Variants in RWDD2B observed in about 807,000 individuals in gnomAD.
RWDD2B encodes RWD domain-containing protein 2B.
A neutral mutation model predicts 33.6 loss-of-function variants in RWDD2B; 36 were observed. The ratio of observed to expected loss-of-function variants is 1.07; its 90% CI spans 0.82 to 1.42. The LOEUF (loss-of-function observed/expected upper bound fraction) is 1.42. RWDD2B is among the 40% of genes most tolerant of loss of function. The pLI is 0.00. For synonymous variants in RWDD2B, 126 were observed against 133.1 expected, an observed-to-expected ratio of 0.95 and a Z score of 0.37; for missense variants, 364 against 377.5, an observed-to-expected ratio of 0.96 and a Z score of 0.30.
intron 1 of RWDD2B, among the ~76,000 whole-genome samples, chr21:29,014,053 G>A (rs2084877919): frequency 6.6e-6 from 1 of 152,202 alleles, no homozygotes; most frequent in Non-Finnish European, 1.5e-5. Flanking sequence ...GACTACCTGA[G>A]ACTGGGTAGT....
chr21:29,011,594 G>A (rs1393484472), intron 1 of RWDD2B, among the ~76,000 whole-genome samples: 1 of 142,504 alleles, frequency 7.0e-6, no homozygotes, highest in African/African-American at 2.7e-5. Flanking sequence ...AGGTGGGGGG[G>A]GTCAGCCCCC....
intron 1 of RWDD2B, among the ~76,000 whole-genome samples, chr21:29,017,479 G>A (rs980155371): frequency 6.6e-6 from 1 of 151,892 alleles, no homozygotes; most frequent in Non-Finnish European, 1.5e-5. Context: ...AGGTGTGGTC[G>A]CCCACGCCTG....
chr21:29,007,698 G>T, intron 4 of RWDD2B, 63 bp downstream of exon 4: 1 of 1,537,042 alleles, frequency 6.5e-7, no homozygotes, highest in South Asian at 1.3e-5. Context: ...GGCAGCACAT[G>T]ACTGTATCTT....
At chr21:29,017,161 G>A (rs1367290349) in intron 1 of RWDD2B, among the ~76,000 whole-genome samples, 4 of 151,140 alleles carry the variant, frequency 2.6e-5, no homozygotes, top group South Asian at 2.1e-4. Context: ...ATGAGCCACC[G>A]TGTCCGGCTG....
Position 29,011,892 on chromosome 21 carries a change from T to G in RWDD2B, c.68-3271A>C, listed in dbSNP as rs866251224. Among the ~76,000 whole-genome samples the G allele has an allele frequency of 2.9e-3, 223 of 76,932 alleles. 4 individuals are homozygous for G. Among genetic ancestry groups the G allele is most frequent in the Middle Eastern group, 0.012 (1 of 82 alleles). The allele number at this position is 76,932 out of a possible 152,430, so 50.5% of individuals were successfully genotyped here. ...CAGCCGCCCCGTCCGGGAGGGAGGT[T>G]GGGGGGTCAGCCCCCCGCCTGGCCA... On this transcript the variant is annotated intron_variant, in intron 1 of 4. Coordinates refer to ENST00000493196, the MANE Select transcript of RWDD2B (RefSeq NM_016940.3).
rs1318957789 is a variant in RWDD2B at position 29,006,310 on chromosome 21, A to G, written c.*107T>C. 1 of 692,876 alleles carries G rather than the reference A, an allele frequency of 1.4e-6. No homozygotes were observed. The highest frequency in any genetic ancestry group is 2.8e-5 in the East Asian group (1 of 35,484). The allele number at this position is 692,876 out of a possible 1,614,324, so 42.9% of individuals were successfully genotyped here. ...ATTTTTTCTTGTGCCCCACTCCCCA[A>G]CATTCTAGAATGGAACTAAAATAAA... On this transcript the variant is annotated 3_prime_UTR_variant, in exon 5 of 5. Coordinates refer to ENST00000493196, the MANE Select transcript of RWDD2B (RefSeq NM_016940.3).
intron 1 of RWDD2B, among the ~76,000 whole-genome samples, chr21:29,009,164 T>G (rs371119655): frequency 4.5e-4 from 68 of 152,298 alleles, no homozygotes; most frequent in African/African-American, 1.5e-3. Context: ...CCCCGCTCAC[T>G]GCAACCTCAA....
chr21:29,007,593 T>A (rs1226064009), intron 4 of RWDD2B, among the ~76,000 whole-genome samples, 168 bp downstream of exon 4: 1 of 152,226 alleles, frequency 6.6e-6, no homozygotes, highest in African/African-American at 2.4e-5. Context: ...AGTGGGAAGA[T>A]CAAGTGCCAT....
intron 1 of RWDD2B, among the ~76,000 whole-genome samples, chr21:29,008,995 T>C (rs1050521586): frequency 1.3e-5 from 2 of 152,230 alleles, no homozygotes; most frequent in African/African-American, 2.4e-5. Flanking sequence ...AGAGAGGATA[T>C]GACTGGTTAC....
chr21:29,009,187 A>G (rs567584817), intron 1 of RWDD2B, among the ~76,000 whole-genome samples: 121 of 152,152 alleles, frequency 8.0e-4, no homozygotes, highest in African/African-American at 2.8e-3. Flanking sequence ...TCCCACGCCC[A>G]AGCAATCCTC....
intron 1 of RWDD2B, among the ~76,000 whole-genome samples, chr21:29,012,148 CCCGT>C (rs2084866355): frequency 7.5e-6 from 1 of 133,562 alleles, no homozygotes; most frequent in Non-Finnish European, 1.6e-5. Context: ...GGCCAGCCGC[CCCGT>C]CCGGGAGGGA....
In RWDD2B at chr21:29,006,282, A is replaced by G. The variant is rs2146333429; in HGVS notation, c.*135T>C. 1 of 571,972 alleles carries G rather than the reference A, an allele frequency of 1.7e-6. No individual in the cohort carries two copies. Among genetic ancestry groups the G allele is most frequent in the East Asian group, 2.9e-5 (1 of 33,946 alleles). 35.4% of individuals were successfully genotyped at this position (571,972 alleles called of 1,614,324 possible). A position where few individuals can be genotyped will look rare whatever the true frequency, so the allele number is the denominator to read the frequency against. On this transcript the variant is annotated 3_prime_UTR_variant, in exon 5 of 5. Transcript: ENST00000493196. Reference sequence around the variant, plus strand: ...TTTTTAACAGATGCATTTCAGCTATACTATTTTTTCTTGTGCCCCACTCCC... The same window carrying G: ...TTTTTAACAGATGCATTTCAGCTATGCTATTTTTTCTTGTGCCCCACTCCC...
At chr21:29,018,930 A>T (rs1413074163) in intron 1 of RWDD2B, among the ~76,000 whole-genome samples, 1 of 152,182 alleles carries the variant, frequency 6.6e-6, no homozygotes, top group African/African-American at 2.4e-5. Context: ...TTTGAAGAAC[A>T]GAGCAGGGTA....
intron 1 of RWDD2B, among the ~76,000 whole-genome samples, chr21:29,016,040 T>C (rs1221695365): frequency 6.6e-6 from 1 of 152,208 alleles, no homozygotes; most frequent in Non-Finnish European, 1.5e-5. Flanking sequence ...ATTCCTTATT[T>C]TGCCATGTAG....
rs189353810 is a variant in RWDD2B at position 29,017,796 on chromosome 21, T to C, written c.67+1415A>G. On this transcript the variant is annotated intron_variant, in intron 1 of 4. Transcript: ENST00000493196. ...TTTAAGGAACTGAAAAAGGAGGCCA[T>C]GTGTTTTTCTTGGCCAAGAGTGTTC... is the stretch of plus-strand genomic sequence containing the variant. Among the ~76,000 whole-genome samples the C allele has an allele frequency of 7.8e-4, 119 of 152,260 alleles. 2 individuals are homozygous for C. Among genetic ancestry groups the C allele is most frequent in the Non-Finnish European group, 7.4e-5 (5 of 68,016 alleles).
At chr21:29,011,459 C>A (rs1196250852) in intron 1 of RWDD2B, among the ~76,000 whole-genome samples, 1 of 149,702 alleles carries the variant, frequency 6.7e-6, no homozygotes, top group Non-Finnish European at 1.5e-5. Flanking sequence ...AAGTGAGGAG[C>A]CCCTCCGCCC....
At chr21:29,008,713 G>A (rs1354851229) in intron 1 of RWDD2B, 92 bp from the exon 2 acceptor site, 5 of 794,788 alleles carry the variant, frequency 6.3e-6, no homozygotes, top group African/African-American at 3.5e-5. Flanking sequence ...ATTGTACTTG[G>A]TTTCTTCATA....
At chr21:29,010,714 C>T (rs1443998838) in intron 1 of RWDD2B, among the ~76,000 whole-genome samples, 1 of 151,758 alleles carries the variant, frequency 6.6e-6, no homozygotes, top group Non-Finnish European at 1.5e-5. Flanking sequence ...CCCTCTGATT[C>T]CGAGCCGAAG....
rs1457750471 is a variant in RWDD2B, at chr21:29,008,233, A to G, written c.362+7T>C. ...CTCCAAAGTTGGCCAGAGCTTCTGTAACGTACCTGACAGTAATTTCAGGCA... is the reference window on the plus strand; with the variant it reads ...CTCCAAAGTTGGCCAGAGCTTCTGTGACGTACCTGACAGTAATTTCAGGCA... On this transcript the variant is annotated splice_region_variant and intron_variant, in intron 3 of 4. Transcript: ENST00000493196. 5.0e-6 allele frequency: 8 copies of G among 1,614,102 alleles called. No homozygotes were observed. The highest frequency in any genetic ancestry group is 5.9e-6 in the Non-Finnish European group (7 of 1,179,926).
Sources: allele counts gnomAD v4.1 joint callset (sites outside exome capture counted in the v4.1 genomes callset), GRCh38; gene constraint gnomAD v4.1.1; transcripts MANE v1.5; gene names NCBI Gene and HGNC (gene_info 2026-07-23, HGNC 2026-07-21).